The following GALT variants were observed in gnomAD, a reference collection of about 807,000 sequenced individuals.
The protein encoded by GALT is UDP-glucose--hexose-1-phosphate uridylyltransferase.
A neutral mutation model predicts 55.4 loss-of-function variants in GALT; 42 were observed. The observed-to-expected ratio is 0.76, with a 90% confidence interval of 0.59 to 0.98. The LOEUF is 0.98. Among genes scored for constraint, GALT ranks in the 50% least tolerant of loss-of-function variants. GALT has a pLI of 0.00. For synonymous variants in GALT, 154 were observed against 181.5 expected, an observed-to-expected ratio of 0.85 and a Z score of 1.22; for missense variants, 407 against 495.7, an observed-to-expected ratio of 0.82 and a Z score of 1.70.
intron 10 of GALT, chr9:34,649,993 A>G (rs1821213278): frequency 3.3e-6 from 1 of 302,768 alleles, no homozygotes; most frequent in African/African-American, 2.2e-5. Flanking sequence ...AGAACTCCAT[A>G]CCATCGGCCG....
chr9:34,650,374 A>G lies in GALT; in HGVS notation c.1065A>G (p.Ala355=), dbSNP rs1467465307. ...GCTCCCTGTCCCTTTTCCAGGCTGCAGAGAGACTAAGGGCACTTCCTGAGG... is the reference window on the plus strand; with the variant it reads ...GCTCCCTGTCCCTTTTCCAGGCTGCGGAGAGACTAAGGGCACTTCCTGAGG... The part of the protein sequence containing the change: ...AQRDLTPEQA[A]ERLRALPEVH... Residue 355 remains alanine (A), a synonymous_variant, in exon 11 of 11, where the codon GCA becomes GCG. Transcript: ENST00000378842. The G allele has an allele frequency of 6.2e-7, 1 of 1,613,236 alleles. No homozygotes were observed. The highest frequency in any genetic ancestry group is 8.5e-7 in the Non-Finnish European group (1 of 1,179,698).
intron 1 of GALT, 43 bp downstream of exon 1, chr9:34,646,829 GC>G: frequency 6.2e-7 from 1 of 1,612,686 alleles, no homozygotes; most frequent in Non-Finnish European, 8.5e-7. Flanking sequence ...GCGGAGCCGA[GC>G]CCTCCCCTTC....
chr9:34,650,569 C>A lies in GALT; in HGVS notation c.*120C>A. On this transcript the variant is annotated 3_prime_UTR_variant, in exon 11 of 11. Coordinates refer to ENST00000378842, the MANE Select transcript of GALT (RefSeq NM_000155.4). ...CAGATATAGCATTAATAAAACTGTG[C>A]ATCTCAAACTTTTATCACATACTCT... 2 of 826,644 alleles carry A rather than the reference C, an allele frequency of 2.4e-6. No homozygotes were observed. The highest frequency in any genetic ancestry group is 4.0e-6 in the Non-Finnish European group (2 of 501,632). The allele number at this position is 826,644 out of a possible 1,614,324, so 51.2% of individuals were successfully genotyped here. A position where few individuals can be genotyped will look rare whatever the true frequency, so the allele number is the denominator to read the frequency against.
Position 34,648,899 on chromosome 9 carries a change from G to GC in GALT, c.820+5_820+6insC. The GC allele has an allele frequency of 6.2e-7, 1 of 1,613,434 alleles. No individual in the cohort carries two copies. Among genetic ancestry groups the GC allele is most frequent in the Non-Finnish European group, 8.5e-7 (1 of 1,180,034 alleles). On this transcript the variant is annotated splice_donor_region_variant and intron_variant, in intron 8 of 10. Transcript: ENST00000378842. The surrounding 1 kb of genome is among the most constrained non-coding windows in gnomAD (Gnocchi z 4.9). ...TGACCCCTGCTGAGCGTGATGGTCAGTCTCCCAAGTAGGATCCTGGGGCTA... is the reference window on the plus strand; with the variant it reads ...TGACCCCTGCTGAGCGTGATGGTCAGCTCTCCCAAGTAGGATCCTGGGGCTA...
Position 34,650,783 on chromosome 9 carries a change from G to A in GALT, c.*334G>A, listed in dbSNP as rs1219789167. The A allele has an allele frequency of 3.8e-6, 1 of 263,504 alleles. No homozygotes were observed. The highest frequency in any genetic ancestry group is 7.4e-6 in the Non-Finnish European group (1 of 136,032). 16.3% of individuals were successfully genotyped at this position (263,504 alleles called of 1,614,324 possible). On this transcript the variant is annotated 3_prime_UTR_variant, in exon 11 of 11. Transcript: ENST00000378842. ...TTCTCTTACTCTTGGTGTAATGACA[G>A]CATTCCCAGTTTAGGAAACTGTTTT...
rs748903895 is a variant in GALT, at chr9:34,647,396, C to T, written c.253-96C>T. On this transcript the variant is annotated intron_variant, in intron 2 of 10. Coordinates refer to ENST00000378842, the MANE Select transcript of GALT (RefSeq NM_000155.4). This position sits in a 1 kb window ranked among gnomAD's most constrained non-coding sequence, Gnocchi z 5.6. ...AGCTTTTTGGTCCCCTAGGGTGGGC[C>T]TTCCCTACTCCCTTGTAGCCTGTCC... The T allele has an allele frequency of 1.5e-5, 24 of 1,570,510 alleles. No individual in the cohort carries two copies. The East Asian group carries it at 5.4e-4, about 35-fold the overall frequency.
Position 34,647,188 on chromosome 9 carries a change from T to G in GALT, c.182T>G (p.Leu61Arg). 30 of 1,614,194 alleles carry G rather than the reference T, an allele frequency of 1.9e-5. No homozygotes were observed. Among genetic ancestry groups the G allele is most frequent in the Non-Finnish European group, 2.5e-5 (29 of 1,180,022 alleles). The change falls in exon 2 of 11, where the codon CTT (leucine) becomes CGT (arginine). Residue 61 changes from leucine (L) to arginine (R), a missense_variant. Physicochemically the swap from Leu to Arg is moderately radical, Grantham distance 102. Transcript: ENST00000378842. This position sits in a 1 kb window ranked among gnomAD's most constrained non-coding sequence, Gnocchi z 5.6. Reference protein sequence around the residue: ...RPWQGQVEPQLLKTVPRHDPL... With the variant: ...RPWQGQVEPQRLKTVPRHDPL... ...TGGCAGGGTCAAGTGGAGCCCCAGCTTCTGAAGACAGTGCCCCGCCATGAC... is the reference window on the plus strand; with the variant it reads ...TGGCAGGGTCAAGTGGAGCCCCAGCGTCTGAAGACAGTGCCCCGCCATGAC...
rs373627599 is a variant in GALT, at chr9:34,650,453, C to T, written c.*4C>T. 33 of 1,613,674 alleles carry T rather than the reference C, an allele frequency of 2.0e-5. No homozygotes were observed. Among genetic ancestry groups the T allele is most frequent in the East Asian group, 2.2e-5 (1 of 44,886 alleles). On this transcript the variant is annotated 3_prime_UTR_variant, in exon 11 of 11. Coordinates refer to ENST00000378842, the MANE Select transcript of GALT (RefSeq NM_000155.4). ...GGAGACAGCAACCATCGCCTGACCA[C>T]GCCGACCACAGGGCCTTGAATCCTT...
In GALT at chr9:34,650,404, T is replaced by C. The variant is rs765630722; in HGVS notation, c.1095T>C (p.His365=). The C allele has an allele frequency of 1.2e-6, 2 of 1,614,042 alleles. No individual in the cohort carries two copies. Among genetic ancestry groups the C allele is most frequent in the Non-Finnish European group, 1.7e-6 (2 of 1,180,018 alleles). ...GACTAAGGGCACTTCCTGAGGTTCA[T>C]TACCACCTGGGGCAGAAGGACAGGG... The part of the protein sequence containing the change: ...AERLRALPEV[H]YHLGQKDRET... Residue 365 remains histidine (H), a synonymous_variant, in exon 11 of 11, where the codon CAT becomes CAC. Coordinates refer to ENST00000378842, the MANE Select transcript of GALT (RefSeq NM_000155.4).
At chr9:34,650,298 A>AAAAAAAAAAAG (rs1821223423) in intron 10 of GALT, 71 bp from the exon 11 acceptor site, 1 of 1,073,802 alleles carries the variant, frequency 9.3e-7, no homozygotes, top group Non-Finnish European at 1.4e-6. Context: ...AAAAAAAAAA[A>AAAAAAAAAAAG]TGAAGTCCAT....
chr9:34,649,325 T>C lies in GALT; in HGVS notation c.905-85T>C, dbSNP rs570551258. 3.8e-6 allele frequency: 6 copies of C among 1,559,994 alleles called. No homozygotes were observed. The East Asian group carries it at 1.1e-4, about 29-fold the overall frequency. Reference sequence around the variant, plus strand: ...GATCCTGGGAGATGTAGTTTTCAGATACCTGGTTGGGTTTGGGAGTAGGTG... The same window carrying C: ...GATCCTGGGAGATGTAGTTTTCAGACACCTGGTTGGGTTTGGGAGTAGGTG... On this transcript the variant is annotated intron_variant, in intron 9 of 10. Transcript: ENST00000378842.
At position 34,648,097 on chromosome 9, in the gene GALT, C is replaced by T. The variant is rs1564101388; in HGVS notation, c.508-18C>T. 2.5e-6 allele frequency: 4 copies of T among 1,614,146 alleles called. No individual in the cohort carries two copies. The highest frequency in any genetic ancestry group is 2.5e-6 in the Non-Finnish European group (3 of 1,180,028). Reference sequence around the variant, plus strand: ...TGGTGTCTTTTGGCTAACAGAGCTCCGTATCCCTATCTGATAGATCTTTGA... The same window carrying T: ...TGGTGTCTTTTGGCTAACAGAGCTCTGTATCCCTATCTGATAGATCTTTGA... On this transcript the variant is annotated intron_variant, in intron 5 of 10. Coordinates refer to ENST00000378842, the MANE Select transcript of GALT (RefSeq NM_000155.4). The surrounding 1 kb of genome is among the most constrained non-coding windows in gnomAD (Gnocchi z 4.9).
chr9:34,648,730 T>TTGATGACTTCCTATCCA lies in GALT; in HGVS notation c.688-30_688-14dup. ...ACCACACTCCGGCTCCTATGTCACC[T>TTGATGACTTCCTATCCA]TGATGACTTCCTATCCATTCTGTCT... On this transcript the variant is annotated intron_variant, in intron 7 of 10. Transcript: ENST00000378842. This position sits in a 1 kb window ranked among gnomAD's most constrained non-coding sequence, Gnocchi z 4.9. The TTGATGACTTCCTATCCA allele has an allele frequency of 1.2e-6, 2 of 1,611,890 alleles. No homozygotes were observed. Among genetic ancestry groups the TTGATGACTTCCTATCCA allele is most frequent in the Non-Finnish European group, 1.7e-6 (2 of 1,179,922 alleles).
At position 34,650,614 on chromosome 9, in the gene GALT, C is replaced by A; in HGVS notation, c.*165C>A. On this transcript the variant is annotated 3_prime_UTR_variant, in exon 11 of 11. Coordinates refer to ENST00000378842, the MANE Select transcript of GALT (RefSeq NM_000155.4). ...TACTCTAATATCAGAGGAGTGTGAA[C>A]CTTCAGAGATCTAGGGTTAAAAGCT... is the stretch of plus-strand genomic sequence containing the variant. 1.6e-6 allele frequency: 1 copy of A among 629,868 alleles called. No individual in the cohort carries two copies. Among genetic ancestry groups the A allele is most frequent in the Non-Finnish European group, 2.8e-6 (1 of 356,134 alleles). The allele number at this position is 629,868 out of a possible 1,614,324, so 39.0% of individuals were successfully genotyped here. A position where few individuals can be genotyped will look rare whatever the true frequency, so the allele number is the denominator to read the frequency against.
Position 34,649,078 on chromosome 9 carries a change from C to T in GALT, c.901C>T (p.His301Tyr). 1 of 1,613,822 alleles carries T rather than the reference C, an allele frequency of 6.2e-7. No individual in the cohort carries two copies. The highest frequency in any genetic ancestry group is 8.5e-7 in the Non-Finnish European group (1 of 1,179,690). The change falls in exon 9 of 11, where the codon CAT becomes TAT. Residue 301 changes from histidine (H) to tyrosine (Y), a missense_variant. Coordinates refer to ENST00000378842, the MANE Select transcript of GALT (RefSeq NM_000155.4). ...GTCCTTTCCCTACTCCATGGGCTGG[C>T]ATGGTGAGGCTTTTCAAGTACCTAT... is the stretch of plus-strand genomic sequence containing the variant. Reference protein sequence around the residue: ...ETSFPYSMGWHGAPTGSEAGA... With the variant: ...ETSFPYSMGWYGAPTGSEAGA...
Position 34,647,382 on chromosome 9 carries a change from C to G in GALT, c.253-110C>G, listed in dbSNP as rs781016489. 6.4e-7 allele frequency: 1 copy of G among 1,574,320 alleles called. No individual in the cohort carries two copies. The highest frequency in any genetic ancestry group is 8.7e-7 in the Non-Finnish European group (1 of 1,144,468). On this transcript the variant is annotated intron_variant, in intron 2 of 10. Coordinates refer to ENST00000378842, the MANE Select transcript of GALT (RefSeq NM_000155.4). The surrounding 1 kb of genome is among the most constrained non-coding windows in gnomAD (Gnocchi z 5.6). ...GTCATATCCCACCAAGCTTTTTGGT[C>G]CCCTAGGGTGGGCCTTCCCTACTCC...
chr9:34,647,440 G>A lies in GALT; in HGVS notation c.253-52G>A, dbSNP rs777205877. Reference sequence around the variant, plus strand: ...CCTGTCCAGTCTTTGAAGCCCACCAGGTAACTGGTGGTATGGGGCAGTGAG... The same window carrying A: ...CCTGTCCAGTCTTTGAAGCCCACCAAGTAACTGGTGGTATGGGGCAGTGAG... On this transcript the variant is annotated intron_variant, in intron 2 of 10. Transcript: ENST00000378842. This position sits in a 1 kb window ranked among gnomAD's most constrained non-coding sequence, Gnocchi z 5.6. 5 of 1,601,374 alleles carry A rather than the reference G, an allele frequency of 3.1e-6. No individual in the cohort carries two copies.
rs1446508440 is a variant in GALT at position 34,650,776 on chromosome 9, A to G, written c.*327A>G. The G allele has an allele frequency of 3.6e-6, 1 of 274,402 alleles. No homozygotes were observed. Among genetic ancestry groups the G allele is most frequent in the Non-Finnish European group, 7.0e-6 (1 of 142,652 alleles). The allele number at this position is 274,402 out of a possible 1,614,324, so 17.0% of individuals were successfully genotyped here. A position where few individuals can be genotyped will look rare whatever the true frequency, so the allele number is the denominator to read the frequency against. On this transcript the variant is annotated 3_prime_UTR_variant, in exon 11 of 11. Transcript: ENST00000378842. ...CTATAGATTCTCTTACTCTTGGTGTAATGACAGCATTCCCAGTTTAGGAAA... is the reference window on the plus strand; with the variant it reads ...CTATAGATTCTCTTACTCTTGGTGTGATGACAGCATTCCCAGTTTAGGAAA...
intron 10 of GALT, 123 bp from the exon 11 acceptor site, chr9:34,650,246 G>T: frequency 7.3e-6 from 5 of 689,002 alleles, no homozygotes; most frequent in Non-Finnish European, 1.3e-5. Flanking sequence ...TGGCATCATT[G>T]CATTCCAGCC....
Sources: allele counts gnomAD v4.1 joint callset, GRCh38; gene constraint gnomAD v4.1.1; non-coding constraint Gnocchi (gnomAD v3.1); transcripts MANE v1.5; gene names NCBI Gene and HGNC (gene_info 2026-07-23, HGNC 2026-07-21).